Variants in CNTNAP5 observed in about 807,000 individuals in gnomAD.
The protein encoded by CNTNAP5 is contactin associated protein family member 5.
CNTNAP5 carries 72 observed loss-of-function variants against 150.2 expected under a neutral mutation model. The ratio of observed to expected loss-of-function variants is 0.48; its 90% confidence interval spans 0.40 to 0.58. The LOEUF is 0.58. Ranked by LOEUF, CNTNAP5 falls within the 20% of genes least tolerant of loss-of-function variation. The pLI is 0.00. For synonymous variants in CNTNAP5, 672 were observed against 619.8 expected (o/e 1.08, Z -1.25); for missense variants, 1,636 against 1,626.2 (o/e 1.01, Z -0.10).
chr2:124,657,204 C>T (rs1031730449), intron 13 of CNTNAP5, among the ~76,000 whole-genome samples: 9 of 152,274 alleles, frequency 5.9e-5, no homozygotes, highest in African/African-American at 1.7e-4. Context: ...CTAAATTGCA[C>T]TTCATTTATT....
chr2:124,227,912 G>A (rs538014997), intron 2 of CNTNAP5, among the ~76,000 whole-genome samples: 18 of 151,294 alleles, frequency 1.2e-4, no homozygotes, highest in Non-Finnish European at 2.1e-4. Flanking sequence ...ACACACACAC[G>A]CACACACAAA....
At chr2:124,567,852 GAT>G (rs749905826) in intron 11 of CNTNAP5, among the ~76,000 whole-genome samples, 10 of 118,350 alleles carry the variant, frequency 8.4e-5, no homozygotes, top group African/African-American at 2.9e-4. Flanking sequence ...TAGATAGATA[GAT>G]AGATAGATAG....
At chr2:124,604,547 C>T (rs1266242183) in intron 11 of CNTNAP5, among the ~76,000 whole-genome samples, 1 of 152,154 alleles carries the variant, frequency 6.6e-6, no homozygotes. Flanking sequence ...CCATGTAACT[C>T]GCTTTTCCCA....
At chr2:124,690,952 G>A (rs889486261) in intron 13 of CNTNAP5, among the ~76,000 whole-genome samples, 2 of 152,036 alleles carry the variant, frequency 1.3e-5, no homozygotes, top group Non-Finnish European at 2.9e-5. Context: ...ATGACAAAAG[G>A]CAGATTAATA....
rs938659903 is a variant in CNTNAP5 at position 124,919,086 on chromosome 2, A to T, written c.*4798A>T. On this transcript the variant is annotated 3_prime_UTR_variant, in exon 24 of 24. Coordinates refer to ENST00000682447, the MANE Select transcript of CNTNAP5 (RefSeq NM_001367498.1). ...CTAATTATCAGCTCTGCCTTCACAA[A>T]TTCCAAATTTGAACCACCTAAAGGG... Among the ~76,000 whole-genome samples the T allele has an allele frequency of 2.0e-5, 3 of 152,064 alleles. No homozygotes were observed. Among genetic ancestry groups the T allele is most frequent in the African/African-American group, 7.2e-5 (3 of 41,426 alleles).
intron 4 of CNTNAP5, among the ~76,000 whole-genome samples, chr2:124,423,248 T>G (rs1692151684): frequency 6.6e-6 from 1 of 152,208 alleles, no homozygotes; most frequent in Admixed American, 6.5e-5. Context: ...TTGCATAATG[T>G]AAGCACCCAA....
At chr2:124,155,821 A>G (rs1684513211) in intron 1 of CNTNAP5, among the ~76,000 whole-genome samples, 1 of 152,196 alleles carries the variant, frequency 6.6e-6, no homozygotes. Flanking sequence ...AAAATCAATA[A>G]ATTTGAAAGA....
chr2:124,582,410 A>C (rs1352503396), intron 11 of CNTNAP5, among the ~76,000 whole-genome samples: 1 of 152,178 alleles, frequency 6.6e-6, no homozygotes, highest in Non-Finnish European at 1.5e-5. Flanking sequence ...TGAACTCAAG[A>C]TTTCTGATAA....
chr2:124,753,600 C>T (rs185585936), intron 14 of CNTNAP5, among the ~76,000 whole-genome samples: 12 of 152,262 alleles, frequency 7.9e-5, no homozygotes, highest in Non-Finnish European at 1.6e-4. Flanking sequence ...ATTTCATTTA[C>T]CATCATATAT....
chr2:124,145,812 TAA>T, intron 1 of CNTNAP5, among the ~76,000 whole-genome samples: 6,158 of 64,108 alleles, frequency 0.096, 228 homozygotes, highest in Non-Finnish European at 0.13. Flanking sequence ...AAAAAAACAT[TAA>T]AAAAAAAAAA....
chr2:124,258,441 G>C lies in CNTNAP5; in HGVS notation c.381+16048G>C, dbSNP rs375539463. Among the ~76,000 whole-genome samples the C allele has an allele frequency of 2.5e-4, 38 of 152,282 alleles. No individual in the cohort carries two copies. The South Asian group carries it at 6.4e-3, about 26-fold the overall frequency. The stretch of plus-strand genomic sequence containing the variant: ...TGAATATGTCGTATAAATGGGTTAT[G>C]AGGATGCATTTGGGTAAAAGAGCTG... On this transcript the variant is annotated intron_variant, in intron 3 of 23. Transcript: ENST00000682447.
At chr2:124,184,313 G>A (rs1435370479) in intron 1 of CNTNAP5, among the ~76,000 whole-genome samples, 3 of 152,144 alleles carry the variant, frequency 2.0e-5, no homozygotes, top group Non-Finnish European at 4.4e-5. Flanking sequence ...CCAGCTTTGG[G>A]GTGGGCGGAG....
intron 3 of CNTNAP5, among the ~76,000 whole-genome samples, chr2:124,279,768 T>C (rs1319753824): frequency 1.3e-5 from 2 of 152,016 alleles, no homozygotes; most frequent in African/African-American, 2.4e-5. Flanking sequence ...GTCACAACCA[T>C]TGCATTTGAT....
chr2:124,067,126 A>T (rs1682180505), intron 1 of CNTNAP5, among the ~76,000 whole-genome samples: 1 of 152,200 alleles, frequency 6.6e-6, no homozygotes, highest in African/African-American at 2.4e-5. Context: ...ATTTGGATTA[A>T]TCCCACAAAC....
intron 3 of CNTNAP5, among the ~76,000 whole-genome samples, chr2:124,355,011 A>G (rs976997037): frequency 2.0e-5 from 3 of 151,850 alleles, no homozygotes; most frequent in South Asian, 2.1e-4. Flanking sequence ...AATCAGGTCC[A>G]TGGTCTCCAT....
chr2:124,731,013 G>T (rs557284467), intron 13 of CNTNAP5, among the ~76,000 whole-genome samples: 14 of 152,186 alleles, frequency 9.2e-5, no homozygotes, highest in Admixed American at 8.5e-4. Context: ...TAGAAGAGCT[G>T]CTCTGTGCCC....
intron 8 of CNTNAP5, among the ~76,000 whole-genome samples, chr2:124,514,560 G>A (rs1448105817): frequency 6.6e-6 from 1 of 152,144 alleles, no homozygotes; most frequent in Non-Finnish European, 1.5e-5. Flanking sequence ...TGGGAAGGAG[G>A]CACTGCCTTC....
intron 8 of CNTNAP5, among the ~76,000 whole-genome samples, chr2:124,520,079 A>G (rs1219484732): frequency 6.6e-6 from 1 of 152,214 alleles, no homozygotes; most frequent in Non-Finnish European, 1.5e-5. Context: ...GTCATTCTAC[A>G]TTATTGCAGT....
intron 20 of CNTNAP5, among the ~76,000 whole-genome samples, chr2:124,866,771 T>A (rs1171095464): frequency 6.6e-6 from 1 of 152,090 alleles, no homozygotes; most frequent in Non-Finnish European, 1.5e-5. Context: ...CAGCAAGCCC[T>A]TGCATCTGCC....
Sources: allele counts gnomAD v4.1 joint callset (sites outside exome capture counted in the v4.1 genomes callset), GRCh38; gene constraint gnomAD v4.1.1; transcripts MANE v1.5; gene names NCBI Gene and HGNC (gene_info 2026-07-23, HGNC 2026-07-21).